SOS2: variants seen among roughly 807,000 people sequenced by gnomAD.
The protein encoded by SOS2 is SOS Ras/Rho guanine nucleotide exchange factor 2, also known as son of sevenless homolog 2.
Under a neutral mutation model 148.2 loss-of-function variants are expected in SOS2, and 65 were observed. The observed-to-expected ratio is 0.44, with a 90% CI of 0.36 to 0.54. The LOEUF is 0.54. Among genes scored for constraint, SOS2 ranks in the 20% least tolerant of loss-of-function variants. The probability of loss-of-function intolerance (pLI) is 0.00; values close to 1 mark genes in which losing one functional copy is unlikely to be tolerated. For missense variants in SOS2, 1,341 were observed against 1,590.2 expected, an observed-to-expected ratio of 0.84 and a Z score of 2.67; for synonymous variants, 539 against 537.1, an observed-to-expected ratio of 1.00 and a Z score of -0.05.
chr14:50,231,066 C>G, intron 1 of SOS2, 131 bp downstream of exon 1: 1 of 569,136 alleles, frequency 1.8e-6, no homozygotes. Context: ...AATTGTGAGC[C>G]CCCCATTGCC....
intron 1 of SOS2, among the ~76,000 whole-genome samples, chr14:50,211,319 T>A (rs994040203): frequency 6.6e-6 from 1 of 152,196 alleles, no homozygotes; most frequent in African/African-American, 2.4e-5. Context: ...ACTGTGGCTA[T>A]GATAATTTTC....
intron 21 of SOS2, among the ~76,000 whole-genome samples, chr14:50,122,821 T>G (rs1209355581): frequency 6.6e-6 from 1 of 152,204 alleles, no homozygotes; most frequent in Non-Finnish European, 1.5e-5. Context: ...TATAGCAGAA[T>G]TTACTAAACA....
intron 7 of SOS2, among the ~76,000 whole-genome samples, chr14:50,178,689 T>C (rs1477142088): frequency 4.7e-4 from 10 of 21,430 alleles, no homozygotes; most frequent in African/African-American, 1.6e-3. Flanking sequence ...TATATATATA[T>C]ATATATATAT....
chr14:50,185,007 G>A (rs956898011), intron 5 of SOS2, among the ~76,000 whole-genome samples: 2 of 152,026 alleles, frequency 1.3e-5, no homozygotes, highest in African/African-American at 2.4e-5. Flanking sequence ...TGGAAACTCT[G>A]TGCCCCTATA....
intron 6 of SOS2, 134 bp downstream of exon 6, chr14:50,182,329 C>A (rs1363773539): frequency 2.7e-6 from 2 of 742,024 alleles, no homozygotes; most frequent in Non-Finnish European, 4.4e-6. Context: ...CACAGATGGG[C>A]ACTACCATGC....
At chr14:50,198,717 C>T (rs760202580) in intron 4 of SOS2, among the ~76,000 whole-genome samples, 4 of 152,170 alleles carry the variant, frequency 2.6e-5, no homozygotes, top group South Asian at 2.1e-4. Flanking sequence ...TGGCCTCACC[C>T]GTGCTAAAGT....
chr14:50,222,597 C>A (rs1023749128), intron 1 of SOS2, among the ~76,000 whole-genome samples: 1 of 152,122 alleles, frequency 6.6e-6, no homozygotes, highest in Non-Finnish European at 1.5e-5. Context: ...AAAGGGCCAG[C>A]CACGTGATTA....
intron 1 of SOS2, among the ~76,000 whole-genome samples, chr14:50,225,750 G>C (rs1004668267): frequency 6.6e-6 from 1 of 152,108 alleles, no homozygotes; most frequent in African/African-American, 2.4e-5. Flanking sequence ...TTTTGGCTTT[G>C]ACTTGAAGTA....
chr14:50,221,715 G>C (rs773731970), intron 1 of SOS2, among the ~76,000 whole-genome samples: 4 of 152,162 alleles, frequency 2.6e-5, no homozygotes, highest in African/African-American at 9.7e-5. Context: ...GCATGTGCCT[G>C]CAGTCCTAGC....
At chr14:50,196,396 G>A (rs1886312469) in intron 4 of SOS2, among the ~76,000 whole-genome samples, 2 of 152,118 alleles carry the variant, frequency 1.3e-5, no homozygotes, top group South Asian at 4.2e-4. Flanking sequence ...ATCACCTCAA[G>A]CATTTATCCT....
intron 6 of SOS2, 72 bp from the exon 7 acceptor site, chr14:50,180,754 T>A: frequency 1.2e-6 from 1 of 833,260 alleles, no homozygotes; most frequent in Non-Finnish European, 1.9e-6. Flanking sequence ...TACAGATTAT[T>A]ATCACTTGAT....
chr14:50,135,494 A>G (rs1015251453), intron 18 of SOS2, among the ~76,000 whole-genome samples: 1 of 150,822 alleles, frequency 6.6e-6, no homozygotes, highest in East Asian at 1.9e-4. Context: ...TCTTCCAATG[A>G]TTTTACTGTG....
rs932067141 is a variant in SOS2, at chr14:50,117,505, A to G, written c.*839T>C. 2 of 152,252 alleles carry G rather than the reference A, an allele frequency of 1.3e-5. No individual in the cohort carries two copies. Among genetic ancestry groups the G allele is most frequent in the African/African-American group, 4.8e-5 (2 of 41,458 alleles). The allele number at this position is 152,252 out of a possible 1,614,324, so 9.4% of individuals were successfully genotyped here. A position where few individuals can be genotyped will look rare whatever the true frequency, so the allele number is the denominator to read the frequency against. On this transcript the variant is annotated 3_prime_UTR_variant, in exon 23 of 23. Coordinates refer to ENST00000216373, the MANE Select transcript of SOS2 (RefSeq NM_006939.4). ...ATTTTTTTTGAATTTATGAATTAGT[A>G]AAGTAGCAGATTGTATTATAGGCCT...
chr14:50,194,884 A>G (rs989352949), intron 4 of SOS2, among the ~76,000 whole-genome samples: 8 of 151,870 alleles, frequency 5.3e-5, no homozygotes, highest in Non-Finnish European at 1.0e-4. Context: ...TCCGCCTCTC[A>G]GATTCAAAGG....
At chr14:50,127,904 A>G (rs1306017982) in intron 21 of SOS2, among the ~76,000 whole-genome samples, 1 of 152,218 alleles carries the variant, frequency 6.6e-6, no homozygotes, top group East Asian at 1.9e-4. Flanking sequence ...GTGGAGGAAA[A>G]TGAGTTCAAA....
intron 1 of SOS2, among the ~76,000 whole-genome samples, chr14:50,218,854 G>C (rs1887114657): frequency 6.6e-6 from 1 of 151,890 alleles, no homozygotes; most frequent in South Asian, 2.1e-4. Context: ...GTGGCTCATG[G>C]CTATAATCCC....
At chr14:50,181,417 T>C (rs1410535646) in intron 6 of SOS2, among the ~76,000 whole-genome samples, 1 of 144,958 alleles carries the variant, frequency 6.9e-6, no homozygotes, top group Non-Finnish European at 1.5e-5. Context: ...CATTGCACTC[T>C]AGAATGGGTG....
In SOS2 at chr14:50,153,128, G is replaced by A; in HGVS notation, c.2103C>T (p.Asp701=). ...CAAGCAATTCCAAGTCTCTTTCAAAGTCATAAAAATGATGTTCAACCCAAT... is the reference window on the plus strand; with the variant it reads ...CAAGCAATTCCAAGTCTCTTTCAAAATCATAAAAATGATGTTCAACCCAAT... ...FRHWVEHHFY[D]FERDLELLER... is the part of the protein sequence containing the mutation. Residue 701 remains aspartate (D), a synonymous_variant, in exon 13 of 23, where the codon GAC becomes GAT. Coordinates refer to ENST00000216373, the MANE Select transcript of SOS2 (RefSeq NM_006939.4). The A allele has an allele frequency of 6.2e-7, 1 of 1,607,336 alleles. No individual in the cohort carries two copies. Among genetic ancestry groups the A allele is most frequent in the Non-Finnish European group, 8.5e-7 (1 of 1,174,802 alleles).
intron 1 of SOS2, among the ~76,000 whole-genome samples, chr14:50,223,403 G>C (rs1365109920): frequency 1.3e-5 from 2 of 152,058 alleles, no homozygotes; most frequent in Admixed American, 1.3e-4. Context: ...GGCTGGGCGT[G>C]GTGGCTCATC....
Sources: gnomAD v4.1 joint callset for allele counts (sites outside exome capture counted in the v4.1 genomes callset) on GRCh38, gnomAD v4.1.1 for gene constraint, MANE v1.5 for transcripts, NCBI Gene and HGNC (gene_info 2026-07-23, HGNC 2026-07-21) for gene names.